The following DIAPH3 variants were observed in gnomAD, a reference collection of about 807,000 sequenced individuals.
DIAPH3 encodes the protein diaphanous related formin 3.
Under a neutral mutation model 144.3 loss-of-function variants are expected in DIAPH3, and 117 were observed. The ratio of observed to expected loss-of-function variants is 0.81; its 90% CI spans 0.70 to 0.95. The LOEUF is 0.95. DIAPH3 is among the 40% of genes least tolerant of loss of function. The pLI is 0.00. For missense variants in DIAPH3, 1,421 were observed against 1,412.7 expected (o/e 1.01, Z -0.09); for synonymous variants, 519 against 488.9 (o/e 1.06, Z -0.81).
At chr13:59,938,104 G>T (rs2048348549) in intron 17 of DIAPH3, among the ~76,000 whole-genome samples, 1 of 152,100 alleles carries the variant, frequency 6.6e-6, no homozygotes, top group East Asian at 1.9e-4. Context: ...GCCCCAGTTA[G>T]CATTCCAGAT....
chr13:59,925,120 T>G (rs2047692167), intron 17 of DIAPH3, among the ~76,000 whole-genome samples: 1 of 152,032 alleles, frequency 6.6e-6, no homozygotes, highest in Admixed American at 6.6e-5. Context: ...AAAATAAAAC[T>G]TATGTATACT....
At chr13:59,721,498 T>G (rs947626504) in intron 27 of DIAPH3, among the ~76,000 whole-genome samples, 3 of 152,222 alleles carry the variant, frequency 2.0e-5, no homozygotes, top group Non-Finnish European at 4.4e-5. Flanking sequence ...TTTTTAAAGT[T>G]ATTTGTCAAT....
At chr13:60,000,095 A>C (rs2052434926) in intron 9 of DIAPH3, among the ~76,000 whole-genome samples, 1 of 152,202 alleles carries the variant, frequency 6.6e-6, no homozygotes, top group Non-Finnish European at 1.5e-5. Flanking sequence ...GACCATGTGT[A>C]TGCCAGACAC....
chr13:60,118,716 C>T (rs2058758926), intron 2 of DIAPH3, among the ~76,000 whole-genome samples: 1 of 152,180 alleles, frequency 6.6e-6, no homozygotes. Context: ...CTTCACAATC[C>T]TGTCCAGCCA....
Position 59,883,607 on chromosome 13 carries a change from G to A in DIAPH3, c.2368-4139C>T, listed in dbSNP as rs371403166. 3.7e-3 allele frequency among the ~76,000 whole-genome samples: 569 copies of A among 152,170 alleles called. 2 individuals carry two copies. The highest frequency in any genetic ancestry group is 0.012 in the African/African-American group (509 of 41,518). On this transcript the variant is annotated intron_variant, in intron 20 of 27. Coordinates refer to ENST00000400324, the MANE Select transcript of DIAPH3 (RefSeq NM_001042517.2). ...CTACTTTGTAGATATCACATTATAA[G>A]AAATAACAGAAAAGCATTTCAGGAA...
chr13:59,846,081 G>A (rs1287803213), intron 22 of DIAPH3, among the ~76,000 whole-genome samples: 1 of 152,076 alleles, frequency 6.6e-6, no homozygotes, highest in Non-Finnish European at 1.5e-5. Context: ...TACACCAGAG[G>A]TGTTAAAGAA....
chr13:59,821,533 TA>T (rs748810558), intron 24 of DIAPH3, among the ~76,000 whole-genome samples: 1 of 152,150 alleles, frequency 6.6e-6, no homozygotes, highest in Non-Finnish European at 1.5e-5. Flanking sequence ...TGTCAGAATA[TA>T]GAAATTACGT....
chr13:59,955,251 C>A (rs929575477), intron 17 of DIAPH3, among the ~76,000 whole-genome samples: 5 of 151,956 alleles, frequency 3.3e-5, no homozygotes, highest in Non-Finnish European at 7.4e-5. Context: ...CTCCCATAAT[C>A]CCATCATGGG....
chr13:59,785,101 G>A (rs1322392391), intron 25 of DIAPH3, among the ~76,000 whole-genome samples: 1 of 152,080 alleles, frequency 6.6e-6, no homozygotes, highest in African/African-American at 2.4e-5. Flanking sequence ...TTGAGTCAAG[G>A]GAGTTAGAAA....
At chr13:60,153,654 C>T (rs1566830814) in intron 1 of DIAPH3, 2 of 152,042 alleles carry the variant, frequency 1.3e-5, no homozygotes, top group Non-Finnish European at 1.5e-5. Flanking sequence ...CATCATCAAT[C>T]GCATTAAATT....
intron 14 of DIAPH3, among the ~76,000 whole-genome samples, chr13:59,976,923 T>G (rs185193047): frequency 3.9e-5 from 6 of 152,038 alleles, no homozygotes; most frequent in African/African-American, 1.4e-4. Flanking sequence ...ATTTGTTTTT[T>G]GAATGTTGCT....
At chr13:60,143,331 C>T (rs1429357665) in intron 1 of DIAPH3, among the ~76,000 whole-genome samples, 1 of 152,198 alleles carries the variant, frequency 6.6e-6, no homozygotes, top group African/African-American at 2.4e-5. Context: ...GGATAAGACT[C>T]ACCTGGATCA....
chr13:60,097,255 T>G (rs536970033), intron 3 of DIAPH3, among the ~76,000 whole-genome samples: 2 of 152,314 alleles, frequency 1.3e-5, no homozygotes, highest in Admixed American at 6.5e-5. Flanking sequence ...ATCCCCAATG[T>G]TGGAAGTAGG....
Position 59,992,548 on chromosome 13 carries a change from T to C in DIAPH3, c.1050A>G (p.Thr350=), listed in dbSNP as rs968474064. 2.5e-6 allele frequency: 4 copies of C among 1,612,240 alleles called. No homozygotes were observed. The highest frequency in any genetic ancestry group is 1.7e-5 in the Admixed American group (1 of 59,788). ...ACMQLINALV[T]SPDDLDFRLH... ...GCCTGAAATCCAAATCATCAGGAGATGTAACCAGGGCATTGATGAGCTGCA... is the reference window on the plus strand; with the variant it reads ...GCCTGAAATCCAAATCATCAGGAGACGTAACCAGGGCATTGATGAGCTGCA... Residue 350 remains threonine, a synonymous_variant, in exon 10 of 28, where the codon ACA becomes ACG. Coordinates refer to ENST00000400324, the MANE Select transcript of DIAPH3 (RefSeq NM_001042517.2).
At chr13:59,896,644 G>A (rs1474096169) in intron 20 of DIAPH3, among the ~76,000 whole-genome samples, 1 of 152,048 alleles carries the variant, frequency 6.6e-6, no homozygotes, top group Non-Finnish European at 1.5e-5. Context: ...ACAACTATTA[G>A]GCTGTTATTA....
intron 4 of DIAPH3, among the ~76,000 whole-genome samples, chr13:60,064,115 G>A (rs1329514127): frequency 1.3e-5 from 2 of 152,142 alleles, no homozygotes; most frequent in South Asian, 2.1e-4. Flanking sequence ...AGCATTTGTT[G>A]TTCCATTTCT....
chr13:59,869,689 T>C (rs981875967), intron 21 of DIAPH3, among the ~76,000 whole-genome samples: 2 of 152,238 alleles, frequency 1.3e-5, no homozygotes, highest in Non-Finnish European at 2.9e-5. Flanking sequence ...GCAATCTTTC[T>C]ACACCTGCTG....
At chr13:59,675,460 C>T (rs970676829) in intron 27 of DIAPH3, among the ~76,000 whole-genome samples, 1 of 151,766 alleles carries the variant, frequency 6.6e-6, no homozygotes, top group African/African-American at 2.4e-5. Flanking sequence ...TCTCGGCTCA[C>T]TGCAAGCTTC....
At chr13:60,076,913 G>T (rs1465407505) in intron 4 of DIAPH3, among the ~76,000 whole-genome samples, 1 of 151,948 alleles carries the variant, frequency 6.6e-6, no homozygotes, top group East Asian at 1.9e-4. Flanking sequence ...TATATCAGAA[G>T]TATTACTTCT....
Sources: gnomAD v4.1 joint callset for allele counts (sites outside exome capture counted in the v4.1 genomes callset) on GRCh38, gnomAD v4.1.1 for gene constraint, MANE v1.5 for transcripts, NCBI Gene and HGNC (gene_info 2026-07-23, HGNC 2026-07-21) for gene names.